PDE11A: variants seen among roughly 807,000 people sequenced by gnomAD.
The protein encoded by PDE11A is phosphodiesterase 11A, also known as dual 3',5'-cyclic-AMP and -GMP phosphodiesterase 11A.
A neutral mutation model predicts 100.5 loss-of-function variants in PDE11A; 100 were observed. That is an observed-to-expected ratio of 1.00 (90% confidence interval 0.85 to 1.18). The LOEUF (loss-of-function observed/expected upper bound fraction) is 1.18, where lower values mean the gene tolerates loss of function less well. PDE11A is among the 50% of genes most tolerant of loss of function. The probability of loss-of-function intolerance (pLI) is 0.00; values close to 1 mark genes in which losing one functional copy is unlikely to be tolerated. For missense variants in PDE11A, 1,141 were observed against 1,152.6 expected (o/e 0.99, Z 0.15); for synonymous variants, 381 against 420.8 (o/e 0.91, Z 1.16).
At chr2:177,864,134 G>C (rs1374216089) in intron 5 of PDE11A, among the ~76,000 whole-genome samples, 1 of 152,086 alleles carries the variant, frequency 6.6e-6, no homozygotes, top group Non-Finnish European at 1.5e-5. Context: ...TCATTTATAT[G>C]TGGAATCTGA....
chr2:178,045,020 T>C (rs1638475880), intron 1 of PDE11A, among the ~76,000 whole-genome samples: 1 of 152,174 alleles, frequency 6.6e-6, no homozygotes, highest in Non-Finnish European at 1.5e-5. Flanking sequence ...ATCACCGGTA[T>C]GGCTGTAGCT....
At chr2:177,812,328 T>G (rs1170375255) in intron 9 of PDE11A, among the ~76,000 whole-genome samples, 1 of 152,130 alleles carries the variant, frequency 6.6e-6, no homozygotes. Context: ...CTAACTAAAC[T>G]GATCAGGCTA....
At chr2:178,068,934 T>C (rs901588849) in intron 1 of PDE11A, among the ~76,000 whole-genome samples, 2 of 152,214 alleles carry the variant, frequency 1.3e-5, no homozygotes, top group African/African-American at 2.4e-5. Context: ...AGGATAGATA[T>C]TTTCATGTTC....
At chr2:177,681,949 A>G (rs1046676895) in intron 15 of PDE11A, among the ~76,000 whole-genome samples, 3 of 152,228 alleles carry the variant, frequency 2.0e-5, no homozygotes, top group African/African-American at 4.8e-5. Context: ...TCTCTTTTGG[A>G]GAAAATCTAC....
At chr2:177,997,940 C>A in intron 2 of PDE11A, 1 of 1,248,800 alleles carries the variant, frequency 8.0e-7, no homozygotes. Context: ...TCAAGACCTT[C>A]CACTGCGGTA....
chr2:177,722,321 AATTT>A lies in PDE11A; in HGVS notation c.2043+5333_2043+5336del, dbSNP rs574784217. Reference sequence around the variant, plus strand: ...CCAGCTCTGGCTGATGGTGCGGGAGAATTTATTTTCACTAGAAAGGGAATGACCC... The same window carrying A: ...CCAGCTCTGGCTGATGGTGCGGGAGAATTTTCACTAGAAAGGGAATGACCC... On this transcript the variant is annotated intron_variant, in intron 12 of 19. Transcript: ENST00000286063. 4.4e-4 allele frequency among the ~76,000 whole-genome samples: 67 copies of A among 152,162 alleles called. No homozygotes were observed. In the East Asian group the frequency reaches 8.7e-3, roughly 20 times the overall value.
At chr2:177,914,438 C>G (rs750144553) in intron 2 of PDE11A, among the ~76,000 whole-genome samples, 1 of 152,120 alleles carries the variant, frequency 6.6e-6, no homozygotes, top group Non-Finnish European at 1.5e-5. Context: ...ACAAAGATAT[C>G]TGCCTATATA....
At chr2:177,792,499 G>C (rs2082647064) in intron 9 of PDE11A, among the ~76,000 whole-genome samples, 1 of 152,062 alleles carries the variant, frequency 6.6e-6, no homozygotes, top group East Asian at 1.9e-4. Flanking sequence ...ATTATGCTTT[G>C]AGAGAGAGAT....
At position 178,102,277 on chromosome 2, in the gene PDE11A, C is replaced by A. The variant is rs145567343; in HGVS notation, c.162+2025G>T. On this transcript the variant is annotated intron_variant, in intron 2 of 20. Transcript: ENST00000358450. ...AAGTAGCTGGGACTGCAAGCGTGCA[C>A]CACCATGCCTGGCTGATTTTTGTAT... Among the ~76,000 whole-genome samples the A allele has an allele frequency of 4.0e-3, 615 of 152,202 alleles. 14 individuals are homozygous for A. In the South Asian group the frequency reaches 0.046, roughly 11 times the overall value.
intron 19 of PDE11A, among the ~76,000 whole-genome samples, chr2:177,661,697 G>A (rs2080487368): frequency 6.6e-6 from 1 of 152,048 alleles, no homozygotes; most frequent in Non-Finnish European, 1.5e-5. Flanking sequence ...GTGATGACAA[G>A]GAATCAAAAA....
intron 4 of PDE11A, among the ~76,000 whole-genome samples, chr2:177,890,021 A>G (rs1410042235): frequency 6.6e-6 from 1 of 152,050 alleles, no homozygotes; most frequent in Non-Finnish European, 1.5e-5. Context: ...CAGGGGAATG[A>G]TTTAGGGTGG....
chr2:178,058,114 C>T (rs1438810437), intron 1 of PDE11A, among the ~76,000 whole-genome samples: 1 of 152,160 alleles, frequency 6.6e-6, no homozygotes, highest in African/African-American at 2.4e-5. Context: ...CCTTGGCCTC[C>T]CAAAGCGCTG....
At chr2:177,644,208 G>A (rs991722374) in intron 19 of PDE11A, among the ~76,000 whole-genome samples, 7 of 152,206 alleles carry the variant, frequency 4.6e-5, no homozygotes, top group African/African-American at 7.2e-5. Context: ...TTGTGCACCC[G>A]GAAAAGCTGC....
chr2:177,732,939 C>T (rs965571803), intron 10 of PDE11A, among the ~76,000 whole-genome samples: 5 of 152,132 alleles, frequency 3.3e-5, no homozygotes, highest in African/African-American at 1.2e-4. Flanking sequence ...TTGCTGGGTT[C>T]AAGGGCAGGT....
chr2:177,978,972 A>T (rs2085841583), intron 2 of PDE11A, among the ~76,000 whole-genome samples: 1 of 131,896 alleles, frequency 7.6e-6, no homozygotes, highest in Non-Finnish European at 1.7e-5. Context: ...GATATACCTA[A>T]TGCTAGATGA....
At chr2:177,930,577 A>G (rs1488334889) in intron 2 of PDE11A, among the ~76,000 whole-genome samples, 1 of 152,358 alleles carries the variant, frequency 6.6e-6, no homozygotes, top group East Asian at 1.9e-4. Flanking sequence ...AAACTGAAAA[A>G]CAGCCTCCAT....
At chr2:177,676,012 A>G (rs903199484) in intron 16 of PDE11A, 2 of 261,378 alleles carry the variant, frequency 7.7e-6, no homozygotes, top group African/African-American at 4.5e-5. Flanking sequence ...CATCTGCTCT[A>G]CAGAGCTAAG....
At chr2:177,846,113 A>C (rs1357537543) in intron 5 of PDE11A, among the ~76,000 whole-genome samples, 1 of 152,134 alleles carries the variant, frequency 6.6e-6, no homozygotes, top group African/African-American at 2.4e-5. Flanking sequence ...GAATCGTAAC[A>C]CTGAGTTAGA....
At chr2:177,919,471 C>T (rs2085006117) in intron 2 of PDE11A, among the ~76,000 whole-genome samples, 1 of 152,000 alleles carries the variant, frequency 6.6e-6, no homozygotes, top group Admixed American at 6.6e-5. Context: ...TGGAACATGA[C>T]TAAGAATTTA....
Sources: allele counts gnomAD v4.1 joint callset (sites outside exome capture counted in the v4.1 genomes callset), GRCh38; gene constraint gnomAD v4.1.1; transcripts MANE v1.5; gene names NCBI Gene and HGNC (gene_info 2026-07-23, HGNC 2026-07-21).